The following CTCF variants were observed in gnomAD, a reference collection of about 807,000 sequenced individuals.
The protein encoded by CTCF is CCCTC-binding factor.
In CTCF, 7 loss-of-function variants were observed where a neutral mutation model predicts 72.3. The observed-to-expected ratio is 0.10, with a 90% CI of 0.06 to 0.18. The LOEUF is 0.18. Among genes scored for constraint, CTCF ranks in the 10% least tolerant of loss-of-function variants. CTCF has a pLI of 1.00. For missense variants in CTCF, 516 were observed against 949.1 expected, an observed-to-expected ratio of 0.54 and a Z score of 6.00; for synonymous variants, 374 against 315.8, an observed-to-expected ratio of 1.18 and a Z score of -1.95.
At chr16:67,582,210 CAA>C (rs60181073) in intron 2 of CTCF, among the ~76,000 whole-genome samples, 16 of 96,076 alleles carry the variant, frequency 1.7e-4, no homozygotes, top group Admixed American at 2.3e-4. Context: ...GACTCCGTCT[CAA>C]AAAAAAAAAA....
chr16:67,631,338 T>C (rs919583431), intron 10 of CTCF, among the ~76,000 whole-genome samples: 1 of 151,996 alleles, frequency 6.6e-6, no homozygotes, highest in Non-Finnish European at 1.5e-5. Context: ...TTAGTTTTTG[T>C]ATTTTTAGTA....
chr16:67,593,221 T>C (rs1357264972), intron 2 of CTCF, among the ~76,000 whole-genome samples: 2 of 152,050 alleles, frequency 1.3e-5, no homozygotes, highest in Non-Finnish European at 2.9e-5. Flanking sequence ...CGGGGGTACA[T>C]GTCCAAGTTT....
chr16:67,618,196 G>C (rs1295751728), intron 5 of CTCF, among the ~76,000 whole-genome samples: 5 of 152,140 alleles, frequency 3.3e-5, no homozygotes, highest in Admixed American at 3.3e-4. Context: ...CCTGAGGTCA[G>C]GAGTTGACCA....
chr16:67,582,081 G>A (rs1439143563), intron 2 of CTCF, among the ~76,000 whole-genome samples: 2 of 152,026 alleles, frequency 1.3e-5, no homozygotes, highest in Admixed American at 1.3e-4. Context: ...TTAGCTGGGT[G>A]TGGTGGTGGG....
At chr16:67,569,884 C>T (rs1404423670) in intron 1 of CTCF, among the ~76,000 whole-genome samples, 1 of 151,718 alleles carries the variant, frequency 6.6e-6, no homozygotes, top group Non-Finnish European at 1.5e-5. Flanking sequence ...TGGGGTTTCG[C>T]CATGTTGGTC....
intron 7 of CTCF, among the ~76,000 whole-genome samples, chr16:67,624,075 G>A (rs1159141534): frequency 2.6e-4 from 19 of 73,820 alleles, no homozygotes; most frequent in African/African-American, 8.3e-4. Context: ...TTATATATGT[G>A]TGTGTGTGTG....
At chr16:67,628,277 GA>G in intron 8 of CTCF, 92 bp from the exon 9 acceptor site, 1 of 1,162,076 alleles carries the variant, frequency 8.6e-7, no homozygotes. Context: ...TAGCTTGGGT[GA>G]GAAATACCTG....
At chr16:67,597,472 G>T (rs934265832) in intron 2 of CTCF, among the ~76,000 whole-genome samples, 3 of 152,048 alleles carry the variant, frequency 2.0e-5, no homozygotes, top group Non-Finnish European at 4.4e-5. Flanking sequence ...CCGAGTAGTT[G>T]GGATTACAGG....
chr16:67,600,831 G>GA (rs1163749070), intron 2 of CTCF, among the ~76,000 whole-genome samples: 3 of 151,656 alleles, frequency 2.0e-5, no homozygotes, highest in African/African-American at 2.4e-5. Flanking sequence ...TAATCTGGAG[G>GA]AAAAAAAATG....
chr16:67,572,229 T>A (rs1056563374), intron 2 of CTCF, among the ~76,000 whole-genome samples: 3 of 152,222 alleles, frequency 2.0e-5, no homozygotes, highest in Admixed American at 1.3e-4. Context: ...CAACTTGTTA[T>A]CCTGCTAGAT....
chr16:67,619,988 C>T (rs2052181235), intron 5 of CTCF, among the ~76,000 whole-genome samples: 1 of 151,936 alleles, frequency 6.6e-6, no homozygotes. Context: ...GAAGAGAGGC[C>T]CTTCGAGCCT....
rs1038920684 is a variant in CTCF, at chr16:67,571,236, C to T, written c.-38C>T. 6.6e-6 allele frequency: 1 copy of T among 152,614 alleles called. No individual in the cohort carries two copies. The highest frequency in any genetic ancestry group is 2.4e-5 in the African/African-American group (1 of 41,442). 9.5% of individuals were successfully genotyped at this position (152,614 alleles called of 1,614,324 possible). A position where few individuals can be genotyped will look rare whatever the true frequency, so the allele number is the denominator to read the frequency against. ...TTGAGAGCTGGGTTCTATTTTCCCT[C>T]CTCAAACTGACTTTGCAGCCACGGA... On this transcript the variant is annotated 5_prime_UTR_variant, in exon 2 of 12. Transcript: ENST00000264010.
chr16:67,615,690 C>T (rs909681708), intron 4 of CTCF: 16 of 152,188 alleles, frequency 1.1e-4, no homozygotes, highest in African/African-American at 3.6e-4. Context: ...TCCATACCAC[C>T]AGACTATACA....
chr16:67,601,864 ATT>A (rs36009199), intron 2 of CTCF, among the ~76,000 whole-genome samples: 20 of 135,034 alleles, frequency 1.5e-4, no homozygotes, highest in Non-Finnish European at 1.9e-4. Flanking sequence ...TTTACAAGCA[ATT>A]TTTTTTTTTT....
chr16:67,620,915 T>G (rs1320563388), intron 6 of CTCF, 98 bp downstream of exon 6: 2 of 993,322 alleles, frequency 2.0e-6, no homozygotes, highest in Non-Finnish European at 2.8e-6. Context: ...TTTATATGAA[T>G]GAAGACTGGC....
intron 2 of CTCF, among the ~76,000 whole-genome samples, chr16:67,590,960 C>CA (rs58183374): frequency 0.067 from 3,695 of 54,896 alleles, 344 homozygotes; most frequent in African/African-American, 0.21. Context: ...GACTCTGTCT[C>CA]AAAAAAAAAA....
chr16:67,601,679 C>T (rs567641634), intron 2 of CTCF, among the ~76,000 whole-genome samples: 3 of 151,926 alleles, frequency 2.0e-5, no homozygotes, highest in African/African-American at 7.2e-5. Flanking sequence ...GCTTTAAGAC[C>T]GAGTAGATGC....
intron 5 of CTCF, among the ~76,000 whole-genome samples, chr16:67,619,285 A>G (rs2052171724): frequency 6.6e-6 from 1 of 152,102 alleles, no homozygotes; most frequent in Non-Finnish European, 1.5e-5. Context: ...AAAATACAGA[A>G]GTTAGCCAGG....
At chr16:67,626,452 C>G in intron 7 of CTCF, 103 bp from the exon 8 acceptor site, 1 of 353,168 alleles carries the variant, frequency 2.8e-6, no homozygotes, top group South Asian at 7.2e-5. Flanking sequence ...GACTCCGTCT[C>G]AAAAAAAAAA....
Sources: allele counts gnomAD v4.1 joint callset (sites outside exome capture counted in the v4.1 genomes callset), GRCh38; gene constraint gnomAD v4.1.1; transcripts MANE v1.5; gene names NCBI Gene and HGNC (gene_info 2026-07-23, HGNC 2026-07-21).